The following MEIKIN variants were observed in gnomAD, a reference collection of about 807,000 sequenced individuals.
MEIKIN encodes the protein meiosis-specific kinetochore protein.
At chr5:131,854,728 T>C (rs1750166927) in intron 10 of MEIKIN, 26 bp downstream of exon 10, 2 of 397,390 alleles carry the variant, frequency 5.0e-6, no homozygotes, top group South Asian at 1.3e-4. Context: ...AAACAGATAC[T>C]ACAAGTGCCA....
chr5:131,859,849 G>C (rs765016873), intron 9 of MEIKIN, among the ~76,000 whole-genome samples: 17 of 152,114 alleles, frequency 1.1e-4, no homozygotes, highest in Non-Finnish European at 5.9e-5. Context: ...CTTTGTTGAA[G>C]ATCAGTTGGC....
chr5:131,813,275 T>C (rs1164299782), intron 12 of MEIKIN, among the ~76,000 whole-genome samples: 3 of 152,206 alleles, frequency 2.0e-5, no homozygotes, highest in African/African-American at 7.2e-5. Flanking sequence ...AGGTACTGCC[T>C]TAAAGTCGAC....
Position 131,921,859 on chromosome 5 carries a change from C to T in MEIKIN, c.561G>A (p.Glu187=). 2.5e-6 allele frequency: 1 copy of T among 399,014 alleles called. No homozygotes were observed. The highest frequency in any genetic ancestry group is 4.4e-6 in the Non-Finnish European group (1 of 226,048). 24.7% of individuals were successfully genotyped at this position (399,014 alleles called of 1,614,324 possible). The change falls in exon 6 of 13, where the codon GAG becomes GAA. Residue 187 remains glutamate, a synonymous_variant. Coordinates refer to ENST00000442687, the MANE Select transcript of MEIKIN (RefSeq NM_001303622.2). The stretch of plus-strand genomic sequence containing the variant: ...AGACATTTGAAAACTGTGGTGCCTT[C>T]TCTATCGCTACTGCTTTACTGGTAT... ...LLDTSKAVAI[E]KAPQFSNVSA...
At chr5:131,879,322 T>C (rs560399459) in intron 8 of MEIKIN, among the ~76,000 whole-genome samples, 1 of 152,334 alleles carries the variant, frequency 6.6e-6, no homozygotes, top group East Asian at 1.9e-4. Context: ...TCGCATGTGA[T>C]TATACTTCTT....
chr5:131,836,972 T>C (rs921698061), intron 11 of MEIKIN, among the ~76,000 whole-genome samples: 1 of 151,806 alleles, frequency 6.6e-6, no homozygotes, highest in African/African-American at 2.4e-5. Context: ...CTTTGCCTGT[T>C]CCTATGTCTC....
At chr5:131,807,915 C>T (rs1318089436) in intron 12 of MEIKIN, among the ~76,000 whole-genome samples, 1 of 152,172 alleles carries the variant, frequency 6.6e-6, no homozygotes, top group African/African-American at 2.4e-5. Flanking sequence ...AGGCCATCTT[C>T]CATACCAATT....
At chr5:131,851,160 T>C (rs1363615029) in intron 11 of MEIKIN, 104 bp downstream of exon 11, 1 of 389,958 alleles carries the variant, frequency 2.6e-6, no homozygotes, top group Non-Finnish European at 4.5e-6. Flanking sequence ...GCAAATTATG[T>C]TTCTCATGAG....
Position 131,846,657 on chromosome 5 carries a change from C to CA in MEIKIN, c.975+4606dup, listed in dbSNP as rs540358930. On this transcript the variant is annotated intron_variant, in intron 11 of 12. Coordinates refer to ENST00000442687, the MANE Select transcript of MEIKIN (RefSeq NM_001303622.2). ...CAAACATGACAAAACCCTGTCTCTACAAAAAATACAAAAATTAGCTGGACG... is the reference window on the plus strand; with the variant it reads ...CAAACATGACAAAACCCTGTCTCTACAAAAAAATACAAAAATTAGCTGGACG... Among the ~76,000 whole-genome samples the CA allele has an allele frequency of 2.0e-5, 3 of 152,150 alleles. No individual in the cohort carries two copies. The South Asian group carries it at 6.2e-4, about 32-fold the overall frequency.
intron 8 of MEIKIN, among the ~76,000 whole-genome samples, chr5:131,892,149 T>G (rs888169109): frequency 6.6e-6 from 1 of 152,182 alleles, no homozygotes; most frequent in Admixed American, 6.5e-5. Context: ...GCCCTTAACA[T>G]TTTTTCCTTC....
chr5:131,842,007 C>CT (rs1414217645), intron 11 of MEIKIN, among the ~76,000 whole-genome samples: 368 of 146,484 alleles, frequency 2.5e-3, no homozygotes, highest in African/African-American at 5.7e-3. Context: ...AATTTAACTT[C>CT]TTTTTTTTTT....
At chr5:131,855,147 G>A (rs1320671709) in intron 9 of MEIKIN, among the ~76,000 whole-genome samples, 1 of 152,168 alleles carries the variant, frequency 6.6e-6, no homozygotes, top group Non-Finnish European at 1.5e-5. Flanking sequence ...GTTGAGTTAG[G>A]AAATGGCGCT....
At chr5:131,892,834 A>T (rs1312474978) in intron 8 of MEIKIN, among the ~76,000 whole-genome samples, 1 of 151,882 alleles carries the variant, frequency 6.6e-6, no homozygotes, top group African/African-American at 2.4e-5. Flanking sequence ...TTTTTTCCCC[A>T]TCTTTGTGGT....
intron 11 of MEIKIN, among the ~76,000 whole-genome samples, chr5:131,831,293 T>C (rs191723636): frequency 2.0e-5 from 3 of 152,326 alleles, no homozygotes; most frequent in Admixed American, 1.3e-4. Flanking sequence ...CTCACACCTG[T>C]AATTCCAACA....
chr5:131,909,644 G>A (rs1399858067), intron 8 of MEIKIN, among the ~76,000 whole-genome samples: 1 of 151,978 alleles, frequency 6.6e-6, no homozygotes. Context: ...AGAATGGGGG[G>A]AAATATTTGC....
At position 131,849,743 on chromosome 5, in the gene MEIKIN, A is replaced by C. The variant is rs1344876021; in HGVS notation, c.975+1521T>G. Among the ~76,000 whole-genome samples, 16 of 151,932 alleles carry C rather than the reference A, an allele frequency of 1.1e-4. 1 individual carries two copies. The highest frequency in any genetic ancestry group is 1.0e-3 in the Admixed American group (16 of 15,252). On this transcript the variant is annotated intron_variant, in intron 11 of 12. Coordinates refer to ENST00000442687, the MANE Select transcript of MEIKIN (RefSeq NM_001303622.2). ...TAAACATCACATTCAATGGTGAAAG[A>C]TGGAAAGCTTTTCCTCTAAGATGAA...
At chr5:131,831,327 A>T (rs1236583414) in intron 11 of MEIKIN, among the ~76,000 whole-genome samples, 1 of 152,176 alleles carries the variant, frequency 6.6e-6, no homozygotes. Context: ...AGGCAGTAAG[A>T]CTGCTTGAGG....
intron 11 of MEIKIN, among the ~76,000 whole-genome samples, chr5:131,828,509 T>A (rs533392446): frequency 6.6e-6 from 1 of 152,016 alleles, no homozygotes; most frequent in Non-Finnish European, 1.5e-5. Context: ...TTCCAGAGAA[T>A]AGAACAAAAT....
intron 8 of MEIKIN, among the ~76,000 whole-genome samples, chr5:131,885,323 C>G (rs1468571299): frequency 2.9e-5 from 4 of 138,412 alleles, no homozygotes; most frequent in Non-Finnish European, 6.1e-5. Context: ...CCCCCAGCTG[C>G]AGGCCACTCA....
At chr5:131,855,934 G>A (rs1204960568) in intron 9 of MEIKIN, among the ~76,000 whole-genome samples, 1 of 152,184 alleles carries the variant, frequency 6.6e-6, no homozygotes, top group Non-Finnish European at 1.5e-5. Flanking sequence ...TCGGCCTTTA[G>A]ACTCCATGAA....
Sources: gnomAD v4.1 joint callset for allele counts (sites outside exome capture counted in the v4.1 genomes callset) on GRCh38, gnomAD v4.1.1 for gene constraint, MANE v1.5 for transcripts, NCBI Gene and HGNC (gene_info 2026-07-23, HGNC 2026-07-21) for gene names.